Variants in TFB2M observed in about 807,000 individuals in gnomAD.
TFB2M encodes transcription factor B2, mitochondrial.
In TFB2M, 44 loss-of-function variants were observed where a neutral mutation model predicts 41.3. That is an observed-to-expected ratio of 1.07 (90% CI 0.84 to 1.37). The LOEUF (loss-of-function observed/expected upper bound fraction) is 1.37. TFB2M is among the 40% of genes most tolerant of loss of function. The pLI is 0.00. For missense variants in TFB2M, 496 were observed against 490.2 expected, an observed-to-expected ratio of 1.01 and a Z score of -0.11; for synonymous variants, 188 against 176.8, an observed-to-expected ratio of 1.06 and a Z score of -0.50.
intron 7 of TFB2M, among the ~76,000 whole-genome samples, chr1:246,544,241 T>C (rs1331924773): frequency 6.6e-6 from 1 of 152,232 alleles, no homozygotes; most frequent in Non-Finnish European, 1.5e-5. Context: ...AGGCAGCTAG[T>C]GCTTCCTGTA....
chr1:246,564,236 C>A, intron 2 of TFB2M, 110 bp downstream of exon 2: 1 of 855,322 alleles, frequency 1.2e-6, no homozygotes, highest in Non-Finnish European at 1.8e-6. Context: ...TCAGAGATGG[C>A]TCCCTAAAAG....
chr1:246,560,253 A>G (rs149877562), intron 2 of TFB2M, among the ~76,000 whole-genome samples: 2 of 152,348 alleles, frequency 1.3e-5, no homozygotes, highest in East Asian at 3.9e-4. Context: ...AGGCAGTTTA[A>G]TCTTTGTAAT....
intron 7 of TFB2M, among the ~76,000 whole-genome samples, chr1:246,541,673 C>T (rs903702978): frequency 6.6e-6 from 1 of 152,176 alleles, no homozygotes; most frequent in African/African-American, 2.4e-5. Context: ...AATTTTTACA[C>T]CGAATTCTAG....
intron 4 of TFB2M, among the ~76,000 whole-genome samples, chr1:246,555,477 C>T (rs1007271795): frequency 6.6e-6 from 1 of 151,966 alleles, no homozygotes; most frequent in South Asian, 2.1e-4. Flanking sequence ...GGGGCTGAGG[C>T]GGGAAGATCG....
intron 6 of TFB2M, among the ~76,000 whole-genome samples, chr1:246,547,662 T>C (rs1468471611): frequency 7.7e-6 from 1 of 130,080 alleles, no homozygotes; most frequent in Admixed American, 7.6e-5. Context: ...TAGCATTTAA[T>C]TCGTTTTTTT....
chr1:246,556,913 G>A (rs1314501979), intron 3 of TFB2M, among the ~76,000 whole-genome samples, 192 bp from the exon 4 acceptor site: 2 of 152,092 alleles, frequency 1.3e-5, no homozygotes, highest in South Asian at 2.1e-4. Context: ...CCTGTGTCCA[G>A]GTGAGGTAAA....
chr1:246,559,872 C>T (rs1006862494), intron 2 of TFB2M, among the ~76,000 whole-genome samples: 3 of 152,102 alleles, frequency 2.0e-5, no homozygotes, highest in African/African-American at 4.8e-5. Context: ...AGTCTAATGA[C>T]AAGAAACTGA....
At chr1:246,561,934 T>C (rs1213406357) in intron 2 of TFB2M, among the ~76,000 whole-genome samples, 1 of 152,220 alleles carries the variant, frequency 6.6e-6, no homozygotes, top group African/African-American at 2.4e-5. Context: ...TATCTTCTCA[T>C]TTTTAATTTC....
intron 5 of TFB2M, among the ~76,000 whole-genome samples, chr1:246,548,871 A>C (rs907853173): frequency 6.6e-6 from 1 of 152,224 alleles, no homozygotes; most frequent in Non-Finnish European, 1.5e-5. Flanking sequence ...TACGCAAATA[A>C]GTATTTGTTA....
At chr1:246,545,165 T>A (rs12076987) in intron 6 of TFB2M, among the ~76,000 whole-genome samples, 4 of 151,990 alleles carry the variant, frequency 2.6e-5, no homozygotes, top group African/African-American at 4.8e-5. Flanking sequence ...TACCAATGAA[T>A]TGGGCCATTT....
chr1:246,554,834 A>G (rs1348286312), intron 4 of TFB2M, among the ~76,000 whole-genome samples: 1 of 152,210 alleles, frequency 6.6e-6, no homozygotes, highest in Non-Finnish European at 1.5e-5. Context: ...ACAGGCAACA[A>G]AAGAGAAAAA....
chr1:246,542,987 T>TA (rs1658906023), intron 7 of TFB2M, among the ~76,000 whole-genome samples: 1 of 142,372 alleles, frequency 7.0e-6, no homozygotes, highest in Non-Finnish European at 1.5e-5. Context: ...GCCTCCCAAT[T>TA]TTTTTTTTTT....
chr1:246,557,002 G>A (rs187016807), intron 3 of TFB2M, among the ~76,000 whole-genome samples: 65 of 152,124 alleles, frequency 4.3e-4, no homozygotes, highest in Admixed American at 1.4e-3. Context: ...GGCGGGGTAC[G>A]GTGGCTCACA....
chr1:246,540,977 A>C lies in TFB2M; in HGVS notation c.*54T>G. 5 of 1,549,834 alleles carry C rather than the reference A, an allele frequency of 3.2e-6. No homozygotes were observed. Among genetic ancestry groups the C allele is most frequent in the Non-Finnish European group, 4.4e-6 (5 of 1,148,964 alleles). The stretch of plus-strand genomic sequence containing the variant: ...ATGTGAGTTTTCAAATTTGGTTTTC[A>C]TGTCATAGTTTCCAAATAAATGAAC... On this transcript the variant is annotated 3_prime_UTR_variant, in exon 8 of 8. Coordinates refer to ENST00000366514, the MANE Select transcript of TFB2M (RefSeq NM_022366.3).
Position 246,544,675 on chromosome 1 carries a change from A to G in TFB2M, c.865T>C (p.Leu289=). 3 of 1,590,704 alleles carry G rather than the reference A, an allele frequency of 1.9e-6. No individual in the cohort carries two copies. Among genetic ancestry groups the G allele is most frequent in the Non-Finnish European group, 1.7e-6 (2 of 1,174,230 alleles). The change falls in exon 7 of 8, where the codon TTA becomes CTA. Residue 289 remains leucine (L), a synonymous_variant. Transcript: ENST00000366514. ...TACAGCTTTTGTTGTAATTGGTCTA[A>G]TAATTCCTGGAGAGAAGAAAAAATG... ...PLENPKRREL[L]DQLQQKLYLI...
chr1:246,551,975 GA>G (rs1659197903), intron 4 of TFB2M, among the ~76,000 whole-genome samples: 2 of 152,108 alleles, frequency 1.3e-5, no homozygotes, highest in Admixed American at 1.3e-4. Flanking sequence ...GGGTCTGGGG[GA>G]GCAAATCATC....
chr1:246,541,303 C>T (rs1658849200), intron 7 of TFB2M, 101 bp from the exon 8 acceptor site: 2 of 1,150,394 alleles, frequency 1.7e-6, no homozygotes, highest in South Asian at 1.5e-5. Context: ...AAATGTCTAA[C>T]TTAGGCATAC....
intron 1 of TFB2M, among the ~76,000 whole-genome samples, chr1:246,564,683 T>C (rs566880674): frequency 2.4e-3 from 351 of 147,088 alleles, no homozygotes; most frequent in African/African-American, 8.2e-3. Context: ...CCTGCACTCT[T>C]TTTTTTTTTT....
At chr1:246,547,381 A>C (rs533958516) in intron 6 of TFB2M, among the ~76,000 whole-genome samples, 2 of 152,246 alleles carry the variant, frequency 1.3e-5, no homozygotes, top group Non-Finnish European at 2.9e-5. Flanking sequence ...CATTTGTGGA[A>C]TATTTGGATA....
Sources: allele counts gnomAD v4.1 joint callset (sites outside exome capture counted in the v4.1 genomes callset), GRCh38; gene constraint gnomAD v4.1.1; transcripts MANE v1.5; gene names NCBI Gene and HGNC (gene_info 2026-07-23, HGNC 2026-07-21).